APBB1: variants seen among roughly 807,000 people sequenced by gnomAD.
APBB1 encodes the protein adaptor protein FE65a2.
In APBB1, 22 loss-of-function variants were observed where a neutral mutation model predicts 78.4. The observed-to-expected ratio is 0.28, with a 90% CI of 0.20 to 0.40. The LOEUF is 0.40. APBB1 is among the 10% of genes least tolerant of loss of function. The pLI is 1.00. For missense variants in APBB1, 749 were observed against 932.4 expected (o/e 0.80, Z 2.56); for synonymous variants, 369 against 372.7 (o/e 0.99, Z 0.12).
chr11:6,416,982 G>A (rs761204888), intron 1 of APBB1, among the ~76,000 whole-genome samples: 26 of 152,320 alleles, frequency 1.7e-4, no homozygotes, highest in Middle Eastern at 3.4e-3. Flanking sequence ...GACCTCAGGT[G>A]ATCCGCCCGC....
chr11:6,404,015 CT>C, intron 2 of APBB1, 193 bp from the exon 3 acceptor site: 1 of 521,422 alleles, frequency 1.9e-6, no homozygotes, highest in Non-Finnish European at 3.2e-6. Context: ...GGGGACATGG[CT>C]CAGGTCTCCT....
chr11:6,402,289 G>C, intron 7 of APBB1, 80 bp from the exon 8 acceptor site: 3 of 1,567,754 alleles, frequency 1.9e-6, no homozygotes, highest in Non-Finnish European at 2.6e-6. Flanking sequence ...CTCAGGGGAT[G>C]TTAGCCACAG....
chr11:6,405,846 TG>T (rs1199633899), intron 2 of APBB1, among the ~76,000 whole-genome samples: 1 of 152,168 alleles, frequency 6.6e-6, no homozygotes, highest in Non-Finnish European at 1.5e-5. Context: ...GACCCTCCAT[TG>T]CCTCAGGACT....
intron 1 of APBB1, among the ~76,000 whole-genome samples, chr11:6,413,659 T>G (rs1490494534): frequency 6.6e-6 from 1 of 151,438 alleles, no homozygotes; most frequent in Non-Finnish European, 1.5e-5. Context: ...TAAGTAGAGA[T>G]AGGGTTTCAC....
intron 1 of APBB1, among the ~76,000 whole-genome samples, chr11:6,415,488 C>T (rs1849096800): frequency 6.6e-6 from 1 of 152,204 alleles, no homozygotes; most frequent in Non-Finnish European, 1.5e-5. Flanking sequence ...ACATCTAGAA[C>T]AGTGCCTGGC....
At position 6,401,453 on chromosome 11, in the gene APBB1, A is replaced by G. The variant is rs772599944; in HGVS notation, c.1504-24T>C. ...ATCTGAGGAAGGAAGGGAGGCGAGG[A>G]GCCAGGGAGAATCTATTAGAGCCTC... On this transcript the variant is annotated intron_variant, in intron 10 of 14. Coordinates refer to ENST00000609360, the MANE Select transcript of APBB1 (RefSeq NM_001164.5). The surrounding 1 kb of genome is among the most constrained non-coding windows in gnomAD (Gnocchi z 4.5). The G allele has an allele frequency of 3.1e-6, 5 of 1,613,100 alleles. No individual in the cohort carries two copies. Among genetic ancestry groups the G allele is most frequent in the Non-Finnish European group, 4.2e-6 (5 of 1,179,210 alleles).
At chr11:6,409,629 G>A (rs1042265570) in intron 2 of APBB1, among the ~76,000 whole-genome samples, 1 of 152,030 alleles carries the variant, frequency 6.6e-6, no homozygotes, top group African/African-American at 2.4e-5. Flanking sequence ...AGATTGCACA[G>A]TTTGGGGTAT....
chr11:6,404,814 C>T, intron 2 of APBB1: 2 of 1,535,834 alleles, frequency 1.3e-6, no homozygotes, highest in Non-Finnish European at 1.7e-6. Flanking sequence ...ATTCCCGGCC[C>T]CTCCTGCCTC....
intron 1 of APBB1, among the ~76,000 whole-genome samples, chr11:6,415,802 C>G (rs1849103872): frequency 6.6e-6 from 1 of 152,160 alleles, no homozygotes; most frequent in Non-Finnish European, 1.5e-5. Context: ...CCTATGATGC[C>G]TTTCCAGGAA....
chr11:6,414,682 G>A (rs1238798907), intron 1 of APBB1, among the ~76,000 whole-genome samples: 2 of 152,158 alleles, frequency 1.3e-5, no homozygotes, highest in African/African-American at 4.8e-5. Context: ...ATCCTGGAGA[G>A]GTGAGGGCTG....
chr11:6,399,766 C>A (rs1195982640), intron 12 of APBB1, among the ~76,000 whole-genome samples: 1 of 152,202 alleles, frequency 6.6e-6, no homozygotes, highest in Non-Finnish European at 1.5e-5. Context: ...ATTAACATAG[C>A]CCCTGAGGTC....
At chr11:6,418,757 A>G (rs1253146374) in intron 1 of APBB1, among the ~76,000 whole-genome samples, 1 of 149,322 alleles carries the variant, frequency 6.7e-6, no homozygotes, top group Non-Finnish European at 1.5e-5. Flanking sequence ...CCCGAGGGGC[A>G]GGAGGTAAAG....
In APBB1 at chr11:6,395,472, A is replaced by T; in HGVS notation, c.*62T>A. ...GGAATAGCCTCTAGACCCCTCCCTG[A>T]CCCACACCCTTTAGTTCCCTGGGGC... On this transcript the variant is annotated 3_prime_UTR_variant, in exon 15 of 15. Coordinates refer to ENST00000609360, the MANE Select transcript of APBB1 (RefSeq NM_001164.5). The surrounding 1 kb of genome is among the most constrained non-coding windows in gnomAD (Gnocchi z 5.2). 1 of 1,473,328 alleles carries T rather than the reference A, an allele frequency of 6.8e-7. No individual in the cohort carries two copies. Among genetic ancestry groups the T allele is most frequent in the Non-Finnish European group, 9.0e-7 (1 of 1,110,454 alleles). 91.3% of individuals were successfully genotyped at this position (1,473,328 alleles called of 1,614,324 possible). A position where few individuals can be genotyped will look rare whatever the true frequency, so the allele number is the denominator to read the frequency against.
chr11:6,405,205 G>A, intron 2 of APBB1: 3 of 1,098,722 alleles, frequency 2.7e-6, no homozygotes, highest in Non-Finnish European at 2.2e-6. Flanking sequence ...CCAGCTGCCT[G>A]GGGCCCTGCA....
rs777378458 is a variant in APBB1, at chr11:6,401,056, A to T, written c.1605T>A (p.Pro535=). 1.2e-6 allele frequency: 2 copies of T among 1,614,132 alleles called. No homozygotes were observed. Among genetic ancestry groups the T allele is most frequent in the Non-Finnish European group, 1.7e-6 (2 of 1,180,028 alleles). The change falls in exon 12 of 15, where the codon CCT becomes CCA. Residue 535 remains proline, a synonymous_variant. Transcript: ENST00000609360. This position sits in a 1 kb window ranked among gnomAD's most constrained non-coding sequence, Gnocchi z 4.5. The stretch of plus-strand genomic sequence containing the variant: ...GGAACTTCTGGACCAACTCATTCTT[A>T]GGCGCTGGGAATTCCACTATGGGAA... ...DVPFQVEFPA[P]KNELVQKFQV... is the part of the protein sequence containing the mutation.
chr11:6,412,451 C>T (rs1441959260), intron 1 of APBB1, among the ~76,000 whole-genome samples: 1 of 152,150 alleles, frequency 6.6e-6, no homozygotes, highest in Non-Finnish European at 1.5e-5. Flanking sequence ...GCGTCCGGCC[C>T]AGCCTTTCAG....
chr11:6,396,851 T>C (rs556772700), intron 12 of APBB1, among the ~76,000 whole-genome samples: 1 of 152,290 alleles, frequency 6.6e-6, no homozygotes, highest in Admixed American at 6.5e-5. Context: ...TAGCCATGCC[T>C]TTCTCCTACC....
intron 2 of APBB1, among the ~76,000 whole-genome samples, chr11:6,405,834 G>A (rs1425886381): frequency 1.3e-5 from 2 of 152,170 alleles, no homozygotes; most frequent in South Asian, 2.1e-4. Flanking sequence ...CTGTTCCCTA[G>A]AGACCCTCCA....
At chr11:6,409,261 G>A (rs1848898533) in intron 2 of APBB1, among the ~76,000 whole-genome samples, 1 of 151,874 alleles carries the variant, frequency 6.6e-6, no homozygotes, top group South Asian at 2.1e-4. Flanking sequence ...TTTTTATAGA[G>A]GAGAGGTTTT....
Sources: gnomAD v4.1 joint callset for allele counts (sites outside exome capture counted in the v4.1 genomes callset) on GRCh38, gnomAD v4.1.1 for gene constraint, Gnocchi (gnomAD v3.1) non-coding constraint, MANE v1.5 for transcripts, NCBI Gene and HGNC (gene_info 2026-07-23, HGNC 2026-07-21) for gene names.